The following ZDHHC18 variants were observed in gnomAD, a reference collection of about 807,000 sequenced individuals.
The protein encoded by ZDHHC18 is zDHHC palmitoyltransferase 18.
In ZDHHC18, 23 loss-of-function variants were observed where a neutral mutation model predicts 37.5. The observed-to-expected ratio is 0.61, with a 90% CI of 0.44 to 0.87. The LOEUF is 0.87. Among genes scored for constraint, ZDHHC18 ranks in the 40% least tolerant of loss-of-function variants. The pLI is 0.00. For synonymous variants in ZDHHC18, 185 were observed against 218.7 expected (o/e 0.85, Z 1.36); for missense variants, 406 against 525.6 (o/e 0.77, Z 2.22).
chr1:26,853,026 T>G, intron 7 of ZDHHC18, 161 bp downstream of exon 7: 1 of 613,840 alleles, frequency 1.6e-6, no homozygotes, highest in Non-Finnish European at 2.8e-6. Flanking sequence ...GGAGAATTGT[T>G]ATTTAATCAC....
At position 26,856,671 on chromosome 1, in the gene ZDHHC18, C is replaced by T. The variant is rs80058584; in HGVS notation, c.*2828C>T. ...CCCGCTGAGCTTTCTCTCACCCGCC[C>T]GTTTTCTCTCCTGCTTCATTGCCTG... On this transcript the variant is annotated 3_prime_UTR_variant, in exon 8 of 8. Coordinates refer to ENST00000374142, the MANE Select transcript of ZDHHC18 (RefSeq NM_032283.3). This position sits in a 1 kb window ranked among gnomAD's most constrained non-coding sequence, Gnocchi z 5.2. The T allele has an allele frequency of 0.018, 2,847 of 154,686 alleles. 103 individuals are homozygous for T. Among genetic ancestry groups the T allele is most frequent in the African/African-American group, 0.065 (2,695 of 41,576 alleles). 9.6% of individuals were successfully genotyped at this position (154,686 alleles called of 1,614,324 possible). A position where few individuals can be genotyped will look rare whatever the true frequency, so the allele number is the denominator to read the frequency against.
chr1:26,849,266 C>G (rs1322019272), intron 3 of ZDHHC18, among the ~76,000 whole-genome samples: 1 of 152,180 alleles, frequency 6.6e-6, no homozygotes, highest in Non-Finnish European at 1.5e-5. Context: ...GGCTCCTGAC[C>G]CTACAGCTGC....
In ZDHHC18 at chr1:26,853,871, G is replaced by C. The variant is rs1009059531; in HGVS notation, c.*28G>C. 6.2e-7 allele frequency: 1 copy of C among 1,603,498 alleles called. No individual in the cohort carries two copies. The highest frequency in any genetic ancestry group is 8.5e-7 in the Non-Finnish European group (1 of 1,172,894). ...ACGGCTCAGTACTTGCCACCTGCTGGCCTGTCTGACCCTCCGCACTCACCT... is the reference window on the plus strand; with the variant it reads ...ACGGCTCAGTACTTGCCACCTGCTGCCCTGTCTGACCCTCCGCACTCACCT... On this transcript the variant is annotated 3_prime_UTR_variant, in exon 8 of 8. Coordinates refer to ENST00000374142, the MANE Select transcript of ZDHHC18 (RefSeq NM_032283.3).
At chr1:26,835,926 G>A (rs1321215232) in intron 2 of ZDHHC18, among the ~76,000 whole-genome samples, 2 of 152,134 alleles carry the variant, frequency 1.3e-5, no homozygotes, top group African/African-American at 4.8e-5. Flanking sequence ...CTCCTGCCCT[G>A]TGGGGACAGT....
Position 26,850,640 on chromosome 1 carries a change from G to T in ZDHHC18, c.833+34G>T. 6.2e-7 allele frequency: 1 copy of T among 1,612,888 alleles called. No individual in the cohort carries two copies. Among genetic ancestry groups the T allele is most frequent in the South Asian group, 1.1e-5 (1 of 90,928 alleles). ...TGTCAGCTAGAGGACACTCCAGTGG[G>T]AACTGAGGTCCCTTCACTGGGTGGG... On this transcript the variant is annotated intron_variant, in intron 5 of 7. Transcript: ENST00000374142. The surrounding 1 kb of genome is among the most constrained non-coding windows in gnomAD (Gnocchi z 6.1).
chr1:26,829,276 A>G (rs2081573279), intron 1 of ZDHHC18, among the ~76,000 whole-genome samples: 1 of 152,146 alleles, frequency 6.6e-6, no homozygotes, highest in African/African-American at 2.4e-5. Context: ...ACAGGCCTCC[A>G]GCAGGGCTCC....
chr1:26,826,753 G>T lies in ZDHHC18; in HGVS notation c.-52G>T, dbSNP rs1424663633. On this transcript the variant is annotated 5_prime_UTR_variant, in exon 1 of 8. Transcript: ENST00000374142. The surrounding 1 kb of genome is among the most constrained non-coding windows in gnomAD (Gnocchi z 5.2). ...ACCTCCGCTGCTCGGCCCGGTCCCG[G>T]AGTGGCCCGGCCGGCCCGCGGGGCG... is the stretch of plus-strand genomic sequence containing the variant. 19 of 907,264 alleles carry T rather than the reference G, an allele frequency of 2.1e-5. 1 individual carries two copies. In the East Asian group the frequency reaches 8.4e-4, roughly 40 times the overall value. 56.2% of individuals were successfully genotyped at this position (907,264 alleles called of 1,614,324 possible). A position where few individuals can be genotyped will look rare whatever the true frequency, so the allele number is the denominator to read the frequency against.
At chr1:26,847,612 G>A (rs371865213) in intron 2 of ZDHHC18, among the ~76,000 whole-genome samples, 2 of 152,118 alleles carry the variant, frequency 1.3e-5, no homozygotes, top group African/African-American at 4.8e-5. Context: ...GATCCATGAT[G>A]TATTGCATTT....
At chr1:26,835,491 A>G in intron 2 of ZDHHC18, among the ~76,000 whole-genome samples, 1 of 152,188 alleles carries the variant, frequency 6.6e-6, no homozygotes, top group Admixed American at 6.5e-5. Context: ...TCACAAGGTC[A>G]GGAGATTGAG....
chr1:26,828,995 C>T (rs917373016), intron 1 of ZDHHC18, among the ~76,000 whole-genome samples: 4 of 152,100 alleles, frequency 2.6e-5, no homozygotes, highest in African/African-American at 7.2e-5. Context: ...CTGGGTTGAC[C>T]GGGTATCTTC....
chr1:26,843,229 A>G (rs187230892), intron 2 of ZDHHC18, among the ~76,000 whole-genome samples: 1 of 142,318 alleles, frequency 7.0e-6, no homozygotes, highest in Admixed American at 7.2e-5. Flanking sequence ...TGCAACCTCC[A>G]CCTCCCGAGT....
intron 2 of ZDHHC18, among the ~76,000 whole-genome samples, chr1:26,833,794 G>T (rs1056780043): frequency 5.3e-5 from 8 of 152,066 alleles, no homozygotes; most frequent in Admixed American, 2.0e-4. Context: ...CACCCAGCTG[G>T]CCCTGAAGAC....
intron 6 of ZDHHC18, 114 bp from the exon 7 acceptor site, chr1:26,852,639 T>C: frequency 1.2e-6 from 1 of 836,916 alleles, no homozygotes; most frequent in Non-Finnish European, 1.9e-6. Flanking sequence ...CATGTCGCCT[T>C]CTGTAACCAG....
At chr1:26,827,162 C>A in intron 1 of ZDHHC18, 23 bp downstream of exon 1, 1 of 1,353,648 alleles carries the variant, frequency 7.4e-7, no homozygotes, top group Non-Finnish European at 9.5e-7. Flanking sequence ...GCCTCGGCGC[C>A]CCCTCCCAGC....
intron 1 of ZDHHC18, chr1:26,832,159 A>T (rs137955199): frequency 8.9e-5 from 33 of 372,254 alleles, no homozygotes; most frequent in African/African-American, 6.4e-4. Flanking sequence ...CTCTGTGTGT[A>T]GAGGGATTCT....
rs2081728708 is a variant in ZDHHC18, at chr1:26,855,373, T to G, written c.*1530T>G. On this transcript the variant is annotated 3_prime_UTR_variant, in exon 8 of 8. Transcript: ENST00000374142. ...CTGGGCCGGAAACTCAGAGGATGTT[T>G]CTCCTCTGCTGGGAGCTGTAGTTTC... The G allele has an allele frequency of 6.6e-6, 1 of 152,600 alleles. No individual in the cohort carries two copies. Among genetic ancestry groups the G allele is most frequent in the Non-Finnish European group, 1.5e-5 (1 of 68,072 alleles). The allele number at this position is 152,600 out of a possible 1,614,324, so 9.5% of individuals were successfully genotyped here. A position where few individuals can be genotyped will look rare whatever the true frequency, so the allele number is the denominator to read the frequency against.
chr1:26,831,830 A>G (rs2081589893), intron 1 of ZDHHC18, among the ~76,000 whole-genome samples: 1 of 152,106 alleles, frequency 6.6e-6, no homozygotes, highest in African/African-American at 2.4e-5. Context: ...CTCATTCTTC[A>G]GGTTGGAGCT....
At position 26,850,537 on chromosome 1, in the gene ZDHHC18, C is replaced by T. The variant is rs755653373; in HGVS notation, c.785-21C>T. 1 of 1,614,228 alleles carries T rather than the reference C, an allele frequency of 6.2e-7. No homozygotes were observed. The highest frequency in any genetic ancestry group is 1.7e-5 in the Admixed American group (1 of 60,022). On this transcript the variant is annotated intron_variant, in intron 4 of 7. Transcript: ENST00000374142. The surrounding 1 kb of genome is among the most constrained non-coding windows in gnomAD (Gnocchi z 6.1). Reference sequence around the variant, plus strand: ...GTCACTGTCCCTCTGAGCTTGTCCTCTCCTGTTTCTTTCTCCCCAGGCGCT... The same window carrying T: ...GTCACTGTCCCTCTGAGCTTGTCCTTTCCTGTTTCTTTCTCCCCAGGCGCT...
In ZDHHC18 at chr1:26,832,401, G is replaced by T. The variant is rs1259582441; in HGVS notation, c.336-46G>T. 6 of 1,606,974 alleles carry T rather than the reference G, an allele frequency of 3.7e-6. No homozygotes were observed. In the Admixed American group the frequency reaches 8.4e-5, roughly 22 times the overall value. On this transcript the variant is annotated intron_variant, in intron 1 of 7. Transcript: ENST00000374142. ...CACGTGCTGTAGCCCTGTGCCGCAG[G>T]GAGCCCTTGGGGTGTCTGCTGATCT...
Sources: allele counts gnomAD v4.1 joint callset (sites outside exome capture counted in the v4.1 genomes callset), GRCh38; gene constraint gnomAD v4.1.1; non-coding constraint Gnocchi (gnomAD v3.1); transcripts MANE v1.5; gene names NCBI Gene and HGNC (gene_info 2026-07-23, HGNC 2026-07-21).